The following APP variants were observed in gnomAD, a reference collection of about 807,000 sequenced individuals.
APP encodes amyloid-beta precursor protein.
Under a neutral mutation model 101.4 loss-of-function variants are expected in APP, and 31 were observed. That is an observed-to-expected ratio of 0.31 (90% confidence interval 0.23 to 0.41). The LOEUF (loss-of-function observed/expected upper bound fraction) is 0.41, where lower values mean the gene tolerates loss of function less well. Ranked by LOEUF, APP falls within the 10% of genes least tolerant of loss-of-function variation. The probability of loss-of-function intolerance (pLI) is 1.00; values close to 1 mark genes in which losing one functional copy is unlikely to be tolerated. For missense variants in APP, 839 were observed against 1,003.7 expected, an observed-to-expected ratio of 0.84 and a Z score of 2.22; for synonymous variants, 366 against 364.4, an observed-to-expected ratio of 1.00 and a Z score of -0.05.
rs1568887281 is a variant in APP, at chr21:26,034,248, CT to C, written c.663-12207del. Among the ~76,000 whole-genome samples the C allele has an allele frequency of 2.0e-5, 3 of 152,164 alleles. 1 individual carries two copies. The highest frequency in any genetic ancestry group is 1.3e-4 in the Admixed American group (2 of 15,286). On this transcript the variant is annotated intron_variant, in intron 5 of 17. Coordinates refer to ENST00000346798, the MANE Select transcript of APP (RefSeq NM_000484.4). The stretch of plus-strand genomic sequence containing the variant: ...ATACCATTCCTCCTCCTTCCTTCCC[CT>C]CTCTCTCCCTGCAAGCATAATTCAA...
intron 2 of APP, among the ~76,000 whole-genome samples, chr21:26,096,775 C>CA (rs1466948256): frequency 2.0e-5 from 3 of 151,054 alleles, no homozygotes; most frequent in Admixed American, 6.6e-5. Context: ...GACCCCGCCT[C>CA]AAAAAAACAA....
chr21:25,900,479 G>A (rs2038381614), intron 15 of APP, among the ~76,000 whole-genome samples: 1 of 150,106 alleles, frequency 6.7e-6, no homozygotes, highest in Non-Finnish European at 1.5e-5. Flanking sequence ...AGAATCGCTT[G>A]AACCCGGCAG....
At chr21:25,883,374 G>A (rs2037116413) in intron 17 of APP, among the ~76,000 whole-genome samples, 1 of 152,052 alleles carries the variant, frequency 6.6e-6, no homozygotes. Context: ...CTGCACTCCA[G>A]CCTGGGAGAC....
chr21:26,115,426 G>C (rs2062414544), intron 1 of APP, among the ~76,000 whole-genome samples: 2 of 152,170 alleles, frequency 1.3e-5, no homozygotes. Context: ...AAGCCCATCT[G>C]CAAACAATTC....
At chr21:26,161,635 G>A (rs1262854680) in intron 1 of APP, among the ~76,000 whole-genome samples, 3 of 151,980 alleles carry the variant, frequency 2.0e-5, no homozygotes, top group African/African-American at 7.3e-5. Context: ...AAGTATCTAT[G>A]ATTAATTATT....
chr21:26,122,502 A>C (rs910221925), intron 1 of APP, among the ~76,000 whole-genome samples: 1 of 152,188 alleles, frequency 6.6e-6, no homozygotes, highest in African/African-American at 2.4e-5. Flanking sequence ...AGGCCAGCTA[A>C]ACTCTCTAGA....
intron 1 of APP, among the ~76,000 whole-genome samples, chr21:26,131,694 T>C: frequency 6.6e-6 from 1 of 152,222 alleles, no homozygotes; most frequent in East Asian, 1.9e-4. Flanking sequence ...CTTGAACTAA[T>C]ACCTAATTCA....
At chr21:26,009,655 A>T (rs1398969991) in intron 6 of APP, 2 of 151,086 alleles carry the variant, frequency 1.3e-5, no homozygotes, top group Non-Finnish European at 2.9e-5. Flanking sequence ...AATGGAGTGA[A>T]CTCGGCTTAC....
chr21:25,900,400 A>T (rs2038372712), intron 15 of APP, among the ~76,000 whole-genome samples: 1 of 145,400 alleles, frequency 6.9e-6, no homozygotes, highest in Non-Finnish European at 1.5e-5. Flanking sequence ...AAAAAAAAAA[A>T]AAAAAAAAAT....
intron 13 of APP, among the ~76,000 whole-genome samples, chr21:25,943,347 G>C (rs1019482050): frequency 6.6e-6 from 1 of 151,722 alleles, no homozygotes; most frequent in Non-Finnish European, 1.5e-5. Context: ...TAGAGACGGG[G>C]TTTCTCCATG....
At chr21:26,007,363 AATTATAATATATTAG>A (rs1305051513) in intron 6 of APP, among the ~76,000 whole-genome samples, 3 of 147,658 alleles carry the variant, frequency 2.0e-5, no homozygotes, top group Non-Finnish European at 4.5e-5. Context: ...TTATAAATAT[AATTATAATATATTAG>A]ATTATAATAT....
chr21:26,128,233 T>A (rs1187027394), intron 1 of APP, among the ~76,000 whole-genome samples: 1 of 152,236 alleles, frequency 6.6e-6, no homozygotes, highest in Non-Finnish European at 1.5e-5. Context: ...TCACCAAGTC[T>A]ACATAGTATT....
intron 1 of APP, among the ~76,000 whole-genome samples, chr21:26,157,843 C>T (rs980720603): frequency 2.0e-5 from 3 of 152,180 alleles, no homozygotes; most frequent in Non-Finnish European, 2.9e-5. Context: ...TGAAAAGCTA[C>T]GCAGCCACAG....
intron 13 of APP, chr21:25,945,992 T>C (rs1378678635): frequency 4.5e-6 from 2 of 442,528 alleles, no homozygotes; most frequent in Non-Finnish European, 9.1e-6. Flanking sequence ...AGAATAGTCT[T>C]TTTCAACAAA....
Position 26,144,605 on chromosome 21 carries a change from CAA to C in APP, c.57+25957_57+25958del, listed in dbSNP as rs1302318395. Among the ~76,000 whole-genome samples, 8 of 152,196 alleles carry C rather than the reference CAA, an allele frequency of 5.3e-5. No homozygotes were observed. The East Asian group carries it at 1.2e-3, about 22-fold the overall frequency. ...GTTACAATTTTCCATTAAAAAAATA[CAA>C]AATAAGCTACAGATGTCTTATCATG... On this transcript the variant is annotated intron_variant, in intron 1 of 17. Transcript: ENST00000346798.
At chr21:26,044,930 G>A (rs2045540863) in intron 5 of APP, among the ~76,000 whole-genome samples, 2 of 152,178 alleles carry the variant, frequency 1.3e-5, no homozygotes, top group South Asian at 2.1e-4. Flanking sequence ...AATATTATGT[G>A]ACAAAAACAT....
chr21:25,928,877 A>G (rs1180222346), intron 13 of APP: 2 of 140,154 alleles, frequency 1.4e-5, no homozygotes. Flanking sequence ...GCGCATCACT[A>G]CGCCCGGCTA....
At chr21:25,888,830 T>C (rs531462067) in intron 17 of APP, among the ~76,000 whole-genome samples, 38 of 152,322 alleles carry the variant, frequency 2.5e-4, no homozygotes, top group South Asian at 1.2e-3. Context: ...CAACCGGTTA[T>C]CTGGGAGGTG....
chr21:26,097,675 G>A (rs1034203264), intron 2 of APP, among the ~76,000 whole-genome samples: 1 of 152,170 alleles, frequency 6.6e-6, no homozygotes, highest in African/African-American at 2.4e-5. Context: ...CTCTCACTTG[G>A]GCTAATGGGG....
Sources: allele counts gnomAD v4.1 joint callset (sites outside exome capture counted in the v4.1 genomes callset), GRCh38; gene constraint gnomAD v4.1.1; transcripts MANE v1.5; gene names NCBI Gene and HGNC (gene_info 2026-07-23, HGNC 2026-07-21).